Variants in DPP6 observed in about 807,000 individuals in gnomAD.
DPP6 encodes the protein A-type potassium channel modulatory protein DPP6.
A neutral mutation model predicts 122.6 loss-of-function variants in DPP6; 69 were observed. The observed-to-expected ratio is 0.56, with a 90% CI of 0.46 to 0.69. DPP6 has a LOEUF of 0.69. Among genes scored for constraint, DPP6 ranks in the 30% least tolerant of loss-of-function variants. The pLI, the probability that DPP6 is intolerant of heterozygous loss-of-function variation, is 0.00. For missense variants in DPP6, 928 were observed against 1,116.9 expected (o/e 0.83, Z 2.41); for synonymous variants, 418 against 433.1 (o/e 0.97, Z 0.43).
At chr7:153,896,282 C>T (rs1017990783) in intron 1 of DPP6, among the ~76,000 whole-genome samples, 1 of 152,120 alleles carries the variant, frequency 6.6e-6, no homozygotes, top group African/African-American at 2.4e-5. Flanking sequence ...CTAACAGTCT[C>T]ATACGTTTCA....
chr7:154,040,993 C>T (rs1279448341), intron 1 of DPP6, among the ~76,000 whole-genome samples: 1 of 152,066 alleles, frequency 6.6e-6, no homozygotes, highest in African/African-American at 2.4e-5. Context: ...TGCCTTTCAA[C>T]ACAACTTAAG....
At chr7:154,199,678 T>C (rs1194988213) in intron 1 of DPP6, among the ~76,000 whole-genome samples, 2 of 151,974 alleles carry the variant, frequency 1.3e-5, no homozygotes, top group Admixed American at 1.3e-4. Context: ...GGTGTGATCC[T>C]GGCTCACTGC....
intron 1 of DPP6, among the ~76,000 whole-genome samples, chr7:154,113,089 T>C (rs1806712153): frequency 6.6e-6 from 1 of 152,252 alleles, no homozygotes. Context: ...CTTGATGGTA[T>C]ATATGTGCCA....
chr7:154,482,024 G>GAT (rs1823349653), intron 3 of DPP6, among the ~76,000 whole-genome samples: 1 of 152,196 alleles, frequency 6.6e-6, no homozygotes, highest in South Asian at 2.1e-4. Flanking sequence ...TAGTTTTAAA[G>GAT]ATAAGGAAAC....
chr7:154,843,147 C>T (rs892075002), intron 16 of DPP6, among the ~76,000 whole-genome samples: 1 of 152,074 alleles, frequency 6.6e-6, no homozygotes, highest in East Asian at 1.9e-4. Context: ...ATCCTAAATA[C>T]AAAAATTAGC....
chr7:153,766,324 C>T, the DPP6 span, among the ~76,000 whole-genome samples: 3 of 152,164 alleles, frequency 2.0e-5, no homozygotes, highest in African/African-American at 7.2e-5. Flanking sequence ...GCTTTATCAT[C>T]TCCAAACTTT....
chr7:154,431,534 C>CT lies in DPP6; in HGVS notation c.244-14663dup, dbSNP rs67861044. 7.1e-5 allele frequency among the ~76,000 whole-genome samples: 7 copies of CT among 98,896 alleles called. 1 individual carries two copies. Among genetic ancestry groups the CT allele is most frequent in the South Asian group, 3.4e-4 (1 of 2,948 alleles). The allele number at this position is 98,896 out of a possible 152,430, so 64.9% of individuals were successfully genotyped here. A position where few individuals can be genotyped will look rare whatever the true frequency, so the allele number is the denominator to read the frequency against. ...TCTTTTATTATTTCTTTCTTTCTTT[C>CT]TTTTTTTTTTTTTTTTTGAGATGGA... is the stretch of plus-strand genomic sequence containing the variant. On this transcript the variant is annotated intron_variant, in intron 1 of 25. Transcript: ENST00000377770.
chr7:153,952,979 A>G (rs1802291208), intron 1 of DPP6, among the ~76,000 whole-genome samples: 1 of 152,206 alleles, frequency 6.6e-6, no homozygotes, highest in Non-Finnish European at 1.5e-5. Context: ...AACCTTTCCT[A>G]GAAGAATTTT....
intron 10 of DPP6, among the ~76,000 whole-genome samples, chr7:154,776,134 G>C (rs1326197088): frequency 6.6e-6 from 1 of 151,862 alleles, no homozygotes; most frequent in African/African-American, 2.4e-5. Flanking sequence ...ACATCTAGTG[G>C]CTTCTATTTC....
rs1174683487 is a variant in DPP6, at chr7:154,003,190, T to C, written c.51+115456T>C. 2.0e-5 allele frequency among the ~76,000 whole-genome samples: 3 copies of C among 152,216 alleles called. No homozygotes were observed. In the East Asian group the frequency reaches 5.8e-4, roughly 29 times the overall value. On this transcript the variant is annotated intron_variant, in intron 1 of 25. Coordinates refer to the DPP6 transcript ENST00000404039. ...CAAGAACTGCTTTGCTCAGTTCTAC[T>C]TGGTTCTTATCAACGTCGGTGACCC...
chr7:154,268,515 C>CCTAA (rs1468208432), intron 1 of DPP6, among the ~76,000 whole-genome samples: 1 of 152,200 alleles, frequency 6.6e-6, no homozygotes, highest in East Asian at 1.9e-4. Context: ...ACATTCATGA[C>CCTAA]CTAACCCCTT....
At chr7:153,806,788 G>A in the DPP6 span, among the ~76,000 whole-genome samples, 31 of 152,008 alleles carry the variant, frequency 2.0e-4, no homozygotes, top group African/African-American at 6.8e-4. Flanking sequence ...TTGTTCTAGT[G>A]CTGTTGTGTG....
chr7:154,510,759 G>T (rs1013342887), intron 3 of DPP6, among the ~76,000 whole-genome samples: 1 of 151,320 alleles, frequency 6.6e-6, no homozygotes, highest in African/African-American at 2.4e-5. Context: ...GAGCAAGTAA[G>T]AGGGTAAGGA....
intron 3 of DPP6, among the ~76,000 whole-genome samples, chr7:154,477,372 A>G (rs1381677901): frequency 1.3e-5 from 2 of 152,158 alleles, no homozygotes; most frequent in Non-Finnish European, 2.9e-5. Flanking sequence ...GCCAGAAACA[A>G]GGGACACCAA....
rs116694716 is a variant in DPP6 at position 153,893,488 on chromosome 7, A to G, written c.51+5754A>G. Among the ~76,000 whole-genome samples, 455 of 152,372 alleles carry G rather than the reference A, an allele frequency of 3.0e-3. 4 individuals carry two copies. Among genetic ancestry groups the G allele is most frequent in the African/African-American group, 0.011 (437 of 41,596 alleles). On this transcript the variant is annotated intron_variant, in intron 1 of 25. Transcript: ENST00000404039. ...TGTTCCTTGCTTAGGACTGCTTAGC[A>G]TAGGCTGTGCATTTGTGAGAAAGGC... is the stretch of plus-strand genomic sequence containing the variant.
the DPP6 span, among the ~76,000 whole-genome samples, chr7:153,832,789 A>ATAT: frequency 1.3e-5 from 2 of 149,434 alleles, no homozygotes; most frequent in African/African-American, 2.5e-5. Context: ...TCCAAAGATA[A>ATAT]TATGTACTTT....
chr7:153,770,546 A>AT, the DPP6 span, among the ~76,000 whole-genome samples: 1 of 152,336 alleles, frequency 6.6e-6, no homozygotes, highest in East Asian at 1.9e-4. Flanking sequence ...GGAAAAAAAA[A>AT]GCCAATTTCC....
chr7:153,881,492 A>G, the DPP6 span, among the ~76,000 whole-genome samples: 1 of 152,154 alleles, frequency 6.6e-6, no homozygotes, highest in Non-Finnish European at 1.5e-5. Flanking sequence ...TACCTACCCA[A>G]ATGATATCCT....
At chr7:154,738,533 C>G (rs1224073581) in intron 8 of DPP6, among the ~76,000 whole-genome samples, 1 of 152,214 alleles carries the variant, frequency 6.6e-6, no homozygotes, top group Non-Finnish European at 1.5e-5. Flanking sequence ...TTATCCTAGT[C>G]AATCCCGGAA....
Sources: gnomAD v4.1 joint callset for allele counts (sites outside exome capture counted in the v4.1 genomes callset) on GRCh38, gnomAD v4.1.1 for gene constraint, MANE v1.5 for transcripts, NCBI Gene and HGNC (gene_info 2026-07-23, HGNC 2026-07-21) for gene names.